Variants in CPLANE1 observed in about 807,000 individuals in gnomAD.
CPLANE1 encodes the protein ciliogenesis and planar polarity effector complex subunit 1, also known as ciliogenesis and planar polarity effector 1.
CPLANE1 carries 263 observed loss-of-function variants against 362.5 expected under a neutral mutation model. The ratio of observed to expected loss-of-function variants is 0.73; its 90% CI spans 0.66 to 0.80. The LOEUF (loss-of-function observed/expected upper bound fraction) is 0.80. CPLANE1 is among the 30% of genes least tolerant of loss of function. CPLANE1 has a pLI of 0.00. For synonymous variants in CPLANE1, 1,212 were observed against 1,302.6 expected (o/e 0.93, Z 1.50); for missense variants, 3,461 against 3,793.4 (o/e 0.91, Z 2.30).
chr5:37,106,154 A>G (rs1757594123), downstream of CPLANE1: 1 of 152,210 alleles, frequency 6.6e-6, no homozygotes, highest in Admixed American at 6.6e-5. Flanking sequence ...TCAAATAATT[A>G]AAAATAGAAC....
At chr5:37,139,801 T>A (rs1769106546) in intron 44 of CPLANE1, 1 of 952,738 alleles carries the variant, frequency 1.0e-6, no homozygotes, top group Admixed American at 6.2e-5. Flanking sequence ...TCACCTGCCT[T>A]GGCCTCCCAA....
Position 37,209,687 on chromosome 5 carries a change from G to T in CPLANE1, c.2921-3262C>A. On this transcript the variant is annotated intron_variant, in intron 16 of 52. Coordinates refer to ENST00000651892, the MANE Select transcript of CPLANE1 (RefSeq NM_001384732.1). This position sits in a 1 kb window ranked among gnomAD's most constrained non-coding sequence, Gnocchi z 4.6. ...TGGCAAAAGAAAAGGTATTTACTAT[G>T]CAGGATCTATTACAACTCATTAAAA... 9 of 1,280,708 alleles carry T rather than the reference G, an allele frequency of 7.0e-6. No individual in the cohort carries two copies. The highest frequency in any genetic ancestry group is 1.0e-5 in the Non-Finnish European group (9 of 878,714). 79.3% of individuals were successfully genotyped at this position (1,280,708 alleles called of 1,614,324 possible).
chr5:37,135,812 AGAGC>A (rs1767532702), intron 46 of CPLANE1, among the ~76,000 whole-genome samples: 1 of 152,090 alleles, frequency 6.6e-6, no homozygotes, highest in South Asian at 2.1e-4. Flanking sequence ...GCCTGGCAAA[AGAGC>A]GAGACTCTGT....
At chr5:37,119,259 G>T (rs1017574941) in intron 50 of CPLANE1, among the ~76,000 whole-genome samples, 1 of 152,070 alleles carries the variant, frequency 6.6e-6, no homozygotes, top group Non-Finnish European at 1.5e-5. Context: ...TATTCATCCT[G>T]CAATCTATCA....
Position 37,164,326 on chromosome 5 carries a change from T to C in CPLANE1, c.7535A>G (p.Glu2512Gly). The C allele has an allele frequency of 6.2e-7, 1 of 1,612,736 alleles. No homozygotes were observed. Among genetic ancestry groups the C allele is most frequent in the Non-Finnish European group, 8.5e-7 (1 of 1,178,882 alleles). Residue 2512 changes from glutamate to glycine, a missense_variant and splice_region_variant, in exon 37 of 53, where the codon GAA becomes GGA. Glu to Gly is a moderately conservative substitution (Grantham distance 98, BLOSUM62 -2). Transcript: ENST00000651892. The stretch of plus-strand genomic sequence containing the variant: ...ATGGGAACCACAATGTTCTTGTTGT[T>C]CCTAAATGAATTCCCACAGGATTAC... ...DDSEIIKKPK[E>G]QQEHCGSHPL...
chr5:37,172,740 C>G (rs951583424), intron 32 of CPLANE1, among the ~76,000 whole-genome samples: 1 of 152,192 alleles, frequency 6.6e-6, no homozygotes, highest in Non-Finnish European at 1.5e-5. Flanking sequence ...AATCCTAGCA[C>G]TTTGGGAGGC....
chr5:37,148,314 A>C (rs1166755017), intron 42 of CPLANE1, 46 bp from the exon 43 acceptor site: 1 of 1,322,126 alleles, frequency 7.6e-7, no homozygotes, highest in East Asian at 2.4e-5. Flanking sequence ...TACTTTGATA[A>C]TTTCAAAATA....
chr5:37,087,284 G>A, the CPLANE1 span, among the ~76,000 whole-genome samples: 1 of 152,086 alleles, frequency 6.6e-6, no homozygotes, highest in South Asian at 2.1e-4. Flanking sequence ...GACAGCTTTG[G>A]TCCCATTATA....
In CPLANE1 at chr5:37,244,711, T is replaced by C; in HGVS notation, c.338-104A>G. ...TACAATAAAAAAAAAACAAATAATG[T>C]TACCATTCAGGATGTCAAAACTAAG... is the stretch of plus-strand genomic sequence containing the variant. On this transcript the variant is annotated intron_variant, in intron 4 of 52. Transcript: ENST00000651892. 2.6e-6 allele frequency: 2 copies of C among 755,156 alleles called. 1 individual carries two copies. The highest frequency in any genetic ancestry group is 3.6e-5 in the African/African-American group (2 of 56,170). The allele number at this position is 755,156 out of a possible 1,614,324, so 46.8% of individuals were successfully genotyped here.
intron 16 of CPLANE1, among the ~76,000 whole-genome samples, chr5:37,208,661 AG>A (rs1281025743): frequency 4.8e-5 from 7 of 144,854 alleles, no homozygotes; most frequent in African/African-American, 1.6e-4. Flanking sequence ...TGGGCGATAG[AG>A]CAAGACTCTG....
intron 45 of CPLANE1, 62 bp from the exon 46 acceptor site, chr5:37,138,910 C>A: frequency 7.3e-7 from 1 of 1,366,376 alleles, no homozygotes; most frequent in Non-Finnish European, 1.0e-6. Context: ...TTACATTAAG[C>A]AAAAATAAAC....
chr5:37,187,876 CAT>C (rs778531461), intron 21 of CPLANE1, 34 bp from the exon 22 acceptor site: 3 of 1,473,084 alleles, frequency 2.0e-6, no homozygotes, highest in Admixed American at 1.7e-5. Context: ...AAGAAAATCA[CAT>C]GAGTATGTAC....
intron 34 of CPLANE1, among the ~76,000 whole-genome samples, chr5:37,167,884 AC>A (rs1339131738): frequency 2.6e-5 from 4 of 152,226 alleles, no homozygotes; most frequent in Non-Finnish European, 5.9e-5. Flanking sequence ...CACAAAAACC[AC>A]AGATGGAACA....
chr5:37,225,375 G>A (rs1297759679), intron 12 of CPLANE1, among the ~76,000 whole-genome samples: 1 of 151,914 alleles, frequency 6.6e-6, no homozygotes, highest in African/African-American at 2.4e-5. Context: ...TCAGCCTCCT[G>A]GGTCGCTGGG....
intron 49 of CPLANE1, 58 bp downstream of exon 49, chr5:37,121,558 AT>A: frequency 6.6e-7 from 1 of 1,514,354 alleles, no homozygotes; most frequent in Middle Eastern, 1.8e-4. Context: ...AAAGTGCTAC[AT>A]TTCTTCTTAT....
At chr5:37,213,529 A>T (rs1446403332) in intron 16 of CPLANE1, 30 bp downstream of exon 16, 25 of 1,463,592 alleles carry the variant, frequency 1.7e-5, no homozygotes, top group African/African-American at 4.3e-5. Flanking sequence ...ATGCAAAAAA[A>T]GTTTAAAAAG....
chr5:37,118,813 A>C (rs539625453), intron 50 of CPLANE1, among the ~76,000 whole-genome samples: 1 of 151,764 alleles, frequency 6.6e-6, no homozygotes, highest in East Asian at 1.9e-4. Flanking sequence ...TCCTGGGTTC[A>C]AGCAATTCTC....
chr5:37,189,084 G>A (rs1345322737), intron 21 of CPLANE1, among the ~76,000 whole-genome samples: 1 of 151,978 alleles, frequency 6.6e-6, no homozygotes, highest in Non-Finnish European at 1.5e-5. Context: ...TCTGACTTCA[G>A]GTAATCCACC....
chr5:37,156,877 C>A (rs1011686571), intron 41 of CPLANE1, among the ~76,000 whole-genome samples: 1 of 152,128 alleles, frequency 6.6e-6, no homozygotes, highest in Non-Finnish European at 1.5e-5. Flanking sequence ...ATACCTCAAA[C>A]CTTAGCATCA....
Sources: allele counts gnomAD v4.1 joint callset (sites outside exome capture counted in the v4.1 genomes callset), GRCh38; gene constraint gnomAD v4.1.1; non-coding constraint Gnocchi (gnomAD v3.1); transcripts MANE v1.5; gene names NCBI Gene and HGNC (gene_info 2026-07-23, HGNC 2026-07-21).